Variants in LINGO1 observed in about 807,000 individuals in gnomAD.
The protein encoded by LINGO1 is leucine-rich repeat and immunoglobulin-like domain-containing nogo receptor-interacting protein 1.
Under a neutral mutation model 37.3 loss-of-function variants are expected in LINGO1, and 11 were observed. The observed-to-expected ratio is 0.29, with a 90% CI of 0.19 to 0.49. The LOEUF (loss-of-function observed/expected upper bound fraction) is 0.49, where lower values mean the gene tolerates loss of function less well. Ranked by LOEUF, LINGO1 falls within the 20% of genes least tolerant of loss-of-function variation. The pLI, the probability that LINGO1 is intolerant of heterozygous loss-of-function variation, is 0.99. For missense variants in LINGO1, 585 were observed against 878.2 expected, an observed-to-expected ratio of 0.67 and a Z score of 4.22; for synonymous variants, 387 against 403.0, an observed-to-expected ratio of 0.96 and a Z score of 0.48.
chr15:77,699,579 A>T (rs532395334), upstream of LINGO1, among the ~76,000 whole-genome samples: 7 of 128,834 alleles, frequency 5.4e-5, no homozygotes, highest in African/African-American at 2.1e-4. Flanking sequence ...AGCACATACT[A>T]ACCATCCCCG....
At chr15:77,643,663 G>T (rs2074559114) in intron 3 of LINGO1, among the ~76,000 whole-genome samples, 1 of 152,158 alleles carries the variant, frequency 6.6e-6, no homozygotes, top group Non-Finnish European at 1.5e-5. Flanking sequence ...TGGAGGTGGG[G>T]GTACTGCAGG....
intron 1 of LINGO1, among the ~76,000 whole-genome samples, chr15:77,798,292 G>C (rs1158148872): frequency 1.3e-5 from 2 of 152,234 alleles, no homozygotes; most frequent in Non-Finnish European, 2.9e-5. Context: ...GATCCCGATA[G>C]ACTGGCACAA....
At position 77,614,132 on chromosome 15, in the gene LINGO1, T is replaced by C; in HGVS notation, c.1775A>G (p.Asn592Ser). ...TCGGGGCACATACTCGATCTCGATG[T>C]TGTGCTTTGTGTTGCCCTTGCCCCG... ...WSRGKGNTKH[N>S]IEIEYVPRKS... The change falls in exon 2 of 2, where the codon AAC becomes AGC. Residue 592 changes from asparagine to serine, a missense_variant. Transcript: ENST00000355300. The C allele has an allele frequency of 6.2e-7, 1 of 1,613,984 alleles. No individual in the cohort carries two copies. Among genetic ancestry groups the C allele is most frequent in the Non-Finnish European group, 8.5e-7 (1 of 1,179,886 alleles).
In LINGO1 at chr15:77,812,562, T is replaced by C. The variant is rs181580517; in HGVS notation, c.-458+7696A>G. On this transcript the variant is annotated intron_variant, in intron 1 of 5. Coordinates refer to the LINGO1 transcript ENST00000562933. ...GCCCTCTAGCCCCACCCTGGCGGTGTGGGTCACAGACAGGGGGGCTTGCGT... is the reference window on the plus strand; with the variant it reads ...GCCCTCTAGCCCCACCCTGGCGGTGCGGGTCACAGACAGGGGGGCTTGCGT... Among the ~76,000 whole-genome samples, 260 of 152,290 alleles carry C rather than the reference T, an allele frequency of 1.7e-3. 2 individuals carry two copies. The highest frequency in any genetic ancestry group is 6.5e-4 in the Non-Finnish European group (44 of 68,024).
intron 3 of LINGO1, among the ~76,000 whole-genome samples, chr15:77,675,713 G>C (rs758397997): frequency 5.9e-5 from 9 of 152,078 alleles, no homozygotes; most frequent in African/African-American, 1.9e-4. Flanking sequence ...TAGATAGATA[G>C]ATACATACAT....
chr15:77,776,526 A>G (rs980333597), intron 1 of LINGO1, among the ~76,000 whole-genome samples: 10,696 of 34,912 alleles, frequency 0.31, 1,513 homozygotes, highest in Non-Finnish European at 0.36. Context: ...GGAAGGGAGG[A>G]AGGGAGGGAG....
At chr15:77,777,477 A>ACGCGCGTG (rs1567578762) in intron 1 of LINGO1, among the ~76,000 whole-genome samples, 16 of 139,476 alleles carry the variant, frequency 1.1e-4, no homozygotes, top group African/African-American at 4.6e-4. Flanking sequence ...ACACACACAC[A>ACGCGCGTG]CACACACACA....
intron 1 of LINGO1, among the ~76,000 whole-genome samples, chr15:77,800,572 G>A (rs769079715): frequency 6.6e-6 from 1 of 152,200 alleles, no homozygotes; most frequent in Non-Finnish European, 1.5e-5. Flanking sequence ...AGCTGGGAAG[G>A]AGCCTACAAA....
chr15:77,797,839 C>T (rs966324025), intron 1 of LINGO1, among the ~76,000 whole-genome samples: 4 of 152,226 alleles, frequency 2.6e-5, no homozygotes, highest in African/African-American at 7.2e-5. Context: ...AGGGTCCCTC[C>T]CAGAATCAAC....
intron 2 of LINGO1, among the ~76,000 whole-genome samples, chr15:77,795,204 T>A (rs2076863232): frequency 6.6e-6 from 1 of 152,134 alleles, no homozygotes; most frequent in Admixed American, 6.5e-5. Context: ...TCCAAGGTCA[T>A]GAGCAAGCCG....
chr15:77,705,485 T>A (rs986427307), intron 2 of LINGO1, among the ~76,000 whole-genome samples: 3 of 152,124 alleles, frequency 2.0e-5, no homozygotes, highest in Non-Finnish European at 4.4e-5. Context: ...GTCCTCTGGC[T>A]GCCTAGGGGT....
Position 77,655,657 on chromosome 15 carries a change from C to T in LINGO1, c.-13+21432G>A, listed in dbSNP as rs539225396. On this transcript the variant is annotated intron_variant, in intron 3 of 3. Coordinates refer to the LINGO1 transcript ENST00000559893. ...TCAAGGTAGGTACCACCATACCCAT[C>T]TTACAGACTGGAGACACTGAGGCCT... 5.3e-5 allele frequency among the ~76,000 whole-genome samples: 8 copies of T among 152,354 alleles called. 2 individuals carry two copies. The South Asian group carries it at 1.4e-3, about 28-fold the overall frequency.
chr15:77,635,152 C>T (rs752742549), upstream of LINGO1, among the ~76,000 whole-genome samples: 8 of 152,202 alleles, frequency 5.3e-5, no homozygotes, highest in Non-Finnish European at 8.8e-5. Context: ...GCAGGGATGA[C>T]CACGGAGCTG....
At chr15:77,628,511 C>T (rs961040088) in intron 1 of LINGO1, among the ~76,000 whole-genome samples, 7 of 152,072 alleles carry the variant, frequency 4.6e-5, no homozygotes, top group Admixed American at 3.3e-4. Flanking sequence ...AACTGAACTA[C>T]TTATATATGT....
chr15:77,752,595 G>T (rs1274649947), intron 1 of LINGO1, among the ~76,000 whole-genome samples: 1 of 152,202 alleles, frequency 6.6e-6, no homozygotes, highest in Non-Finnish European at 1.5e-5. Flanking sequence ...AGGCACAAAG[G>T]CCCCATAGAC....
intron 3 of LINGO1, among the ~76,000 whole-genome samples, chr15:77,657,151 G>A (rs2074883334): frequency 6.6e-6 from 1 of 152,200 alleles, no homozygotes; most frequent in Non-Finnish European, 1.5e-5. Context: ...GGCAGCTGAG[G>A]AGCAAATCTT....
At chr15:77,676,753 C>T (rs1418561716) in intron 3 of LINGO1, among the ~76,000 whole-genome samples, 1 of 152,224 alleles carries the variant, frequency 6.6e-6, no homozygotes, top group Non-Finnish European at 1.5e-5. Flanking sequence ...TGGCGCAAAA[C>T]AAAGCCTGAG....
At chr15:77,747,972 G>A (rs1198897536) in intron 1 of LINGO1, among the ~76,000 whole-genome samples, 1 of 152,242 alleles carries the variant, frequency 6.6e-6, no homozygotes, top group Non-Finnish European at 1.5e-5. Flanking sequence ...CAGGGGTCAG[G>A]TGGTTGGCCA....
chr15:77,781,788 G>A (rs1179799041), intron 1 of LINGO1, among the ~76,000 whole-genome samples: 1 of 152,214 alleles, frequency 6.6e-6, no homozygotes, highest in Non-Finnish European at 1.5e-5. Flanking sequence ...AGCTGCCGGT[G>A]TTTTCTGCCA....
Sources: gnomAD v4.1 joint callset for allele counts (sites outside exome capture counted in the v4.1 genomes callset) on GRCh38, gnomAD v4.1.1 for gene constraint, MANE v1.5 for transcripts, NCBI Gene and HGNC (gene_info 2026-07-23, HGNC 2026-07-21) for gene names.